CARMIL1: variants seen among roughly 807,000 people sequenced by gnomAD.
CARMIL1 encodes capping protein regulator and myosin 1 linker 1.
In CARMIL1, 90 loss-of-function variants were observed where a neutral mutation model predicts 177.1. The ratio of observed to expected loss-of-function variants is 0.51; its 90% confidence interval spans 0.43 to 0.61. CARMIL1 has a LOEUF of 0.61. Ranked by LOEUF, CARMIL1 falls within the 20% of genes least tolerant of loss-of-function variation. The pLI is 0.00. For missense variants in CARMIL1, 1,380 were observed against 1,667.0 expected (o/e 0.83, Z 3.00); for synonymous variants, 577 against 606.2 (o/e 0.95, Z 0.71).
intron 2 of CARMIL1, among the ~76,000 whole-genome samples, chr6:25,351,577 G>C (rs767065913): frequency 2.6e-5 from 4 of 152,134 alleles, no homozygotes; most frequent in African/African-American, 4.8e-5. Context: ...TACGGTTTTT[G>C]GTGCATTTAG....
intron 2 of CARMIL1, among the ~76,000 whole-genome samples, chr6:25,344,701 C>T (rs1203194810): frequency 6.6e-6 from 1 of 152,032 alleles, no homozygotes; most frequent in African/African-American, 2.4e-5. Context: ...CCTTTTTCAC[C>T]AGAAACCCCA....
At chr6:25,475,448 A>G (rs1470158665) in intron 11 of CARMIL1, among the ~76,000 whole-genome samples, 1 of 152,186 alleles carries the variant, frequency 6.6e-6, no homozygotes, top group Non-Finnish European at 1.5e-5. Flanking sequence ...TAACCCAGAA[A>G]TTCCACTCCT....
rs527762731 is a variant in CARMIL1 at position 25,484,331 on chromosome 6, A to G, written c.961+1988A>G. 3.3e-5 allele frequency among the ~76,000 whole-genome samples: 5 copies of G among 152,352 alleles called. No individual in the cohort carries two copies. In the South Asian group the frequency reaches 8.3e-4, roughly 25 times the overall value. ...CAAAGTCATCCCTTGATGATTTTAT[A>G]TCCATGCCATCATACACTATTCTGA... On this transcript the variant is annotated intron_variant, in intron 12 of 36. Transcript: ENST00000329474.
chr6:25,556,918 T>G, intron 29 of CARMIL1, 68 bp downstream of exon 29: 1 of 1,478,488 alleles, frequency 6.8e-7, no homozygotes. Context: ...TTTTTTTTTT[T>G]TTTAAATCTC....
chr6:25,511,384 C>A (rs745763442), intron 20 of CARMIL1, among the ~76,000 whole-genome samples: 4 of 152,146 alleles, frequency 2.6e-5, no homozygotes, highest in Non-Finnish European at 4.4e-5. Context: ...AAGAAGCAGT[C>A]TACCATGAAT....
At chr6:25,539,286 A>G (rs1808645062) in intron 25 of CARMIL1, among the ~76,000 whole-genome samples, 1 of 151,994 alleles carries the variant, frequency 6.6e-6, no homozygotes, top group African/African-American at 2.4e-5. Context: ...CACTTTTGGG[A>G]TCTCAGGCAA....
chr6:25,497,388 C>G (rs1389360022), intron 16 of CARMIL1, among the ~76,000 whole-genome samples: 1 of 152,142 alleles, frequency 6.6e-6, no homozygotes, highest in Non-Finnish European at 1.5e-5. Flanking sequence ...TGCCCCAAAT[C>G]ACTGTTGAAG....
At chr6:25,355,515 T>C (rs9461142) in intron 2 of CARMIL1, among the ~76,000 whole-genome samples, 17,452 of 152,090 alleles carry the variant, frequency 0.11, 1,127 homozygotes, top group African/African-American at 0.18. Flanking sequence ...TGTGGTGGTG[T>C]GCACCTGCTA....
intron 33 of CARMIL1, among the ~76,000 whole-genome samples, chr6:25,603,470 T>C (rs1329833224): frequency 6.6e-6 from 1 of 152,200 alleles, no homozygotes; most frequent in Non-Finnish European, 1.5e-5. Context: ...CCAGCACTCC[T>C]GGGGAGTGTG....
chr6:25,332,774 C>CATACACACACAT (rs1561995810), intron 2 of CARMIL1, among the ~76,000 whole-genome samples: 21 of 71,172 alleles, frequency 3.0e-4, no homozygotes, highest in African/African-American at 9.9e-4. Context: ...CACACACACG[C>CATACACACACAT]GCACACACAC....
rs1813103374 is a variant in CARMIL1, at chr6:25,581,369, G to A, written c.2936G>A (p.Gly979Glu). The A allele has an allele frequency of 8.7e-6, 14 of 1,613,702 alleles. No homozygotes were observed. In the East Asian group the frequency reaches 1.8e-4, roughly 21 times the overall value. Residue 979 changes from glycine (G) to glutamate (E), a missense_variant, in exon 31 of 37, where the codon GGG (glycine) becomes GAG (glutamate). Transcript: ENST00000329474. ...ATCTCTGAGTTGCCCTCTGAAGAGGGGAAGAAGCTGGAACACTTTACCAAG... is the reference window on the plus strand; with the variant it reads ...ATCTCTGAGTTGCCCTCTGAAGAGGAGAAGAAGCTGGAACACTTTACCAAG... ...GFISELPSEE[G>E]KKLEHFTKLR...
chr6:25,326,148 G>A lies in CARMIL1; in HGVS notation c.138+41239G>A, dbSNP rs776044496. ...CTCCCAAAATGCTGGGATTACAGGC[G>A]TGAGCCACTGCGCTCGGCCTAGATG... is the stretch of plus-strand genomic sequence containing the variant. On this transcript the variant is annotated intron_variant, in intron 2 of 36. Transcript: ENST00000329474. This position sits in a 1 kb window ranked among gnomAD's most constrained non-coding sequence, Gnocchi z 4.2. Among the ~76,000 whole-genome samples the A allele has an allele frequency of 3.2e-4, 48 of 152,176 alleles. No individual in the cohort carries two copies. Among genetic ancestry groups the A allele is most frequent in the Non-Finnish European group, 5.6e-4 (38 of 68,034 alleles).
At chr6:25,575,472 G>GT in intron 29 of CARMIL1, among the ~76,000 whole-genome samples, 1 of 152,118 alleles carries the variant, frequency 6.6e-6, no homozygotes, top group Non-Finnish European at 1.5e-5. Flanking sequence ...GAGAAGGAAA[G>GT]TAAAAACTCA....
In CARMIL1 at chr6:25,324,512, C is replaced by T. The variant is rs758890134; in HGVS notation, c.138+39603C>T. 4.0e-4 allele frequency among the ~76,000 whole-genome samples: 61 copies of T among 152,188 alleles called. 1 individual carries two copies. Among genetic ancestry groups the T allele is most frequent in the Admixed American group, 3.9e-4 (6 of 15,264 alleles). ...TTTTACAGAATGCTTAAGCCTGGCA[C>T]AGCAATCCTAAGAATGTTGTTCAGT... On this transcript the variant is annotated intron_variant, in intron 2 of 36. Coordinates refer to ENST00000329474, the MANE Select transcript of CARMIL1 (RefSeq NM_017640.6).
intron 2 of CARMIL1, among the ~76,000 whole-genome samples, chr6:25,404,141 G>A (rs957658122): frequency 6.6e-6 from 1 of 152,184 alleles, no homozygotes; most frequent in African/African-American, 2.4e-5. Context: ...TCTGCTTTCT[G>A]CCTGGCTCAA....
intron 12 of CARMIL1, 105 bp downstream of exon 12, chr6:25,482,448 A>G (rs7454031): frequency 0.19 from 105,699 of 562,868 alleles, 10,866 homozygotes; most frequent in South Asian, 0.26. Flanking sequence ...TTAAAAAAAT[A>G]CATTTAAAAT....
rs180830845 is a variant in CARMIL1 at position 25,283,212 on chromosome 6, G to A, written c.41-1600G>A. ...AAAATAAATGTGAAAGACCTTGAAT[G>A]GCATGCCATGAGTTTTGGGTTTATT... On this transcript the variant is annotated intron_variant, in intron 1 of 36. Transcript: ENST00000329474. 9.2e-5 allele frequency among the ~76,000 whole-genome samples: 14 copies of A among 152,292 alleles called. No homozygotes were observed. In the East Asian group the frequency reaches 2.7e-3, roughly 29 times the overall value.
At chr6:25,463,752 C>T (rs1800322915) in intron 8 of CARMIL1, among the ~76,000 whole-genome samples, 1 of 150,984 alleles carries the variant, frequency 6.6e-6, no homozygotes, top group Non-Finnish European at 1.5e-5. Context: ...GAGCACAGAG[C>T]ATGTGGTCAA....
chr6:25,354,330 ATTTTTTTT>A lies in CARMIL1; in HGVS notation c.139-65762_139-65755del, dbSNP rs67395838. On this transcript the variant is annotated intron_variant, in intron 2 of 36. Coordinates refer to ENST00000329474, the MANE Select transcript of CARMIL1 (RefSeq NM_017640.6). The stretch of plus-strand genomic sequence containing the variant: ...CGTAGCACCACACTTGACTAATTAA[ATTTTTTTT>A]TTTTTTTTTTTTTTTTTTTTTGTGG... Among the ~76,000 whole-genome samples the A allele has an allele frequency of 2.4e-3, 191 of 80,612 alleles. 2 individuals are homozygous for A. Among genetic ancestry groups the A allele is most frequent in the East Asian group, 5.3e-3 (18 of 3,392 alleles). The allele number at this position is 80,612 out of a possible 152,430, so 52.9% of individuals were successfully genotyped here. A position where few individuals can be genotyped will look rare whatever the true frequency, so the allele number is the denominator to read the frequency against.
Sources: allele counts gnomAD v4.1 joint callset (sites outside exome capture counted in the v4.1 genomes callset), GRCh38; gene constraint gnomAD v4.1.1; non-coding constraint Gnocchi (gnomAD v3.1); transcripts MANE v1.5; gene names NCBI Gene and HGNC (gene_info 2026-07-23, HGNC 2026-07-21).